The following EVC2 variants were observed in gnomAD, a reference collection of about 807,000 sequenced individuals.
The protein encoded by EVC2 is limbin.
EVC2 carries 148 observed loss-of-function variants against 149.3 expected under a neutral mutation model. The ratio of observed to expected loss-of-function variants is 0.99; its 90% CI spans 0.87 to 1.14. The LOEUF is 1.14. Ranked by LOEUF, EVC2 falls within the 50% of genes most tolerant of loss-of-function variation. The pLI is 0.00. For missense variants in EVC2, 1,854 were observed against 1,627.3 expected (o/e 1.14, Z -2.40); for synonymous variants, 776 against 649.9 (o/e 1.19, Z -2.95).
In EVC2 at chr4:5,657,714, G is replaced by C. The variant is rs1718617609; in HGVS notation, c.1145+5393C>G. 1.4e-5 allele frequency among the ~76,000 whole-genome samples: 2 copies of C among 146,270 alleles called. No individual in the cohort carries two copies. Among genetic ancestry groups the C allele is most frequent in the Non-Finnish European group, 3.0e-5 (2 of 67,036 alleles). On this transcript the variant is annotated intron_variant, in intron 9 of 21. Transcript: ENST00000344408. The surrounding 1 kb of genome is among the most constrained non-coding windows in gnomAD (Gnocchi z 4.7). ...CATAACTTACTGCTCAGGTGGGTAA[G>C]ATGAAATACAACAACATTAATTTGA...
Position 5,613,564 on chromosome 4 carries a change from G to A in EVC2, c.2829+1858C>T, listed in dbSNP as rs115593883. Among the ~76,000 whole-genome samples the A allele has an allele frequency of 0.034, 5,116 of 152,188 alleles. 131 individuals are homozygous for A. Among genetic ancestry groups the A allele is most frequent in the Middle Eastern group, 0.068 (20 of 294 alleles). On this transcript the variant is annotated intron_variant, in intron 16 of 21. Transcript: ENST00000344408. The surrounding 1 kb of genome is among the most constrained non-coding windows in gnomAD (Gnocchi z 4.6). ...AACTGGGAATAAACTGGGACAGCTT[G>A]GCTTACCTCTCTCGCTTCTCTTTGG...
At chr4:5,680,057 G>T (rs186593192) in intron 7 of EVC2, among the ~76,000 whole-genome samples, 1 of 151,914 alleles carries the variant, frequency 6.6e-6, no homozygotes, top group Non-Finnish European at 1.5e-5. Flanking sequence ...CTTCCACCCC[G>T]ACACTCTGTC....
intron 16 of EVC2, among the ~76,000 whole-genome samples, 165 bp downstream of exon 16, chr4:5,615,257 G>T (rs1439231572): frequency 5.9e-5 from 9 of 152,214 alleles, no homozygotes; most frequent in African/African-American, 1.9e-4. Context: ...GGCCCAGGGG[G>T]AGGGTCTTCC....
At chr4:5,572,948 C>A (rs545537844) in intron 19 of EVC2, among the ~76,000 whole-genome samples, 4 of 152,182 alleles carry the variant, frequency 2.6e-5, no homozygotes, top group Non-Finnish European at 4.4e-5. Context: ...AAGCCCCCCA[C>A]GAGCAGTGGC....
At chr4:5,610,797 T>TC (rs200931749) in intron 16 of EVC2, among the ~76,000 whole-genome samples, 6,002 of 148,330 alleles carry the variant, frequency 0.04, 399 homozygotes, top group African/African-American at 0.14. Context: ...TCCTTTTCTT[T>TC]TTTTTTTTTT....
chr4:5,582,967 G>C (rs1711937372), intron 17 of EVC2, among the ~76,000 whole-genome samples: 1 of 152,120 alleles, frequency 6.6e-6, no homozygotes, highest in Non-Finnish European at 1.5e-5. Context: ...CCAGAAGCTG[G>C]GCAGATGCAT....
chr4:5,573,622 C>T (rs1455755729), intron 19 of EVC2, among the ~76,000 whole-genome samples: 5 of 152,144 alleles, frequency 3.3e-5, no homozygotes, highest in Admixed American at 6.5e-5. Flanking sequence ...CTGGAGAAAC[C>T]GATGTTGGAT....
intron 16 of EVC2, among the ~76,000 whole-genome samples, chr4:5,596,812 C>T (rs1316474251): frequency 9.2e-5 from 14 of 151,968 alleles, no homozygotes; most frequent in East Asian, 5.8e-4. Context: ...ACTGATAGAC[C>T]GCTAGCAAGA....
rs555189689 is a variant in EVC2 at position 5,632,220 on chromosome 4, G to A, written c.1471-188C>T. ...GTGTGTGCATGCACATGTGTGCACA[G>A]GCACATACACAATGTGTAAGGCAAT... On this transcript the variant is annotated intron_variant, in intron 10 of 21. Coordinates refer to ENST00000344408, the MANE Select transcript of EVC2 (RefSeq NM_147127.5). Among the ~76,000 whole-genome samples the A allele has an allele frequency of 4.5e-4, 68 of 152,294 alleles. 1 individual carries two copies. The highest frequency in any genetic ancestry group is 3.4e-3 in the Middle Eastern group (1 of 294).
chr4:5,621,578 G>A (rs965691306), intron 14 of EVC2, among the ~76,000 whole-genome samples: 3 of 152,162 alleles, frequency 2.0e-5, no homozygotes, highest in Non-Finnish European at 2.9e-5. Flanking sequence ...AGCTCTGTTG[G>A]TCTCTATTAC....
rs1720229852 is a variant in EVC2 at position 5,679,925 on chromosome 4, T to C, written c.870+1335A>G. 6.6e-6 allele frequency among the ~76,000 whole-genome samples: 1 copy of C among 152,248 alleles called. No individual in the cohort carries two copies. Among genetic ancestry groups the C allele is most frequent in the Non-Finnish European group, 1.5e-5 (1 of 68,054 alleles). On this transcript the variant is annotated intron_variant, in intron 7 of 21. Transcript: ENST00000344408. This position sits in a 1 kb window ranked among gnomAD's most constrained non-coding sequence, Gnocchi z 5.1. ...AAAATAGTTCCTTTCTTTATATCCT[T>C]ACTCTGTAAGCTTTCTATATTTTTA...
At position 5,649,871 on chromosome 4, in the gene EVC2, G is replaced by A. The variant is rs1260484815; in HGVS notation, c.1146-9033C>T. 3.9e-5 allele frequency among the ~76,000 whole-genome samples: 5 copies of A among 127,332 alleles called. No homozygotes were observed. In the Admixed American group the frequency reaches 4.1e-4, roughly 10 times the overall value. 83.5% of individuals were successfully genotyped at this position (127,332 alleles called of 152,430 possible). ...ATGTTTATAAACTATCCATTTGAAGGCATAGACAATGGAAATTTGGGGAGA... is the reference window on the plus strand; with the variant it reads ...ATGTTTATAAACTATCCATTTGAAGACATAGACAATGGAAATTTGGGGAGA... On this transcript the variant is annotated intron_variant, in intron 9 of 21. Coordinates refer to ENST00000344408, the MANE Select transcript of EVC2 (RefSeq NM_147127.5).
rs955883266 is a variant in EVC2, at chr4:5,672,904, C to T, written c.871-7255G>A. 3.3e-5 allele frequency among the ~76,000 whole-genome samples: 5 copies of T among 152,310 alleles called. No individual in the cohort carries two copies. In the South Asian group the frequency reaches 8.3e-4, roughly 25 times the overall value. On this transcript the variant is annotated intron_variant, in intron 7 of 21. Transcript: ENST00000344408. ...GAAAGACGCCAGACACAAAAGGACA[C>T]GTACTGTGTGATTCCACTTATCTGA...
At chr4:5,642,489 T>C (rs1717411344) in intron 9 of EVC2, among the ~76,000 whole-genome samples, 1 of 152,254 alleles carries the variant, frequency 6.6e-6, no homozygotes, top group Non-Finnish European at 1.5e-5. Flanking sequence ...CACCATTCAA[T>C]GACTATTCTT....
At chr4:5,687,667 T>C (rs1720817766) in intron 5 of EVC2, among the ~76,000 whole-genome samples, 1 of 151,624 alleles carries the variant, frequency 6.6e-6, no homozygotes, top group Non-Finnish European at 1.5e-5. Flanking sequence ...ATATTCAGAG[T>C]TGGGGAGAGG....
chr4:5,705,083 CA>C (rs746809450), intron 1 of EVC2, among the ~76,000 whole-genome samples: 1 of 152,200 alleles, frequency 6.6e-6, no homozygotes, highest in Non-Finnish European at 1.5e-5. Context: ...GATAATGTTA[CA>C]TCATATCTGG....
At chr4:5,586,730 G>A (rs60998431) in intron 16 of EVC2, among the ~76,000 whole-genome samples, 1 of 151,798 alleles carries the variant, frequency 6.6e-6, no homozygotes, top group African/African-American at 2.4e-5. Context: ...TCTTTTCATC[G>A]AATTATGATC....
chr4:5,594,732 C>A (rs1273816114), intron 16 of EVC2, among the ~76,000 whole-genome samples: 1 of 152,176 alleles, frequency 6.6e-6, no homozygotes, highest in Non-Finnish European at 1.5e-5. Flanking sequence ...ATGACTTGGA[C>A]GAGTTGAGAG....
chr4:5,566,170 T>G (rs558105805), intron 20 of EVC2, among the ~76,000 whole-genome samples: 5 of 152,332 alleles, frequency 3.3e-5, no homozygotes, highest in Admixed American at 3.3e-4. Flanking sequence ...CCTAAAGCCA[T>G]GAAGGTGCGT....
Sources: gnomAD v4.1 joint callset for allele counts (sites outside exome capture counted in the v4.1 genomes callset) on GRCh38, gnomAD v4.1.1 for gene constraint, Gnocchi (gnomAD v3.1) non-coding constraint, MANE v1.5 for transcripts, NCBI Gene and HGNC (gene_info 2026-07-23, HGNC 2026-07-21) for gene names.